The following PID1 variants were observed in gnomAD, a reference collection of about 807,000 sequenced individuals.
PID1 encodes the protein phosphotyrosine interaction domain containing 1.
PID1 carries 10 observed loss-of-function variants against 19.1 expected under a neutral mutation model. The ratio of observed to expected loss-of-function variants is 0.52; its 90% confidence interval spans 0.32 to 0.89. The LOEUF (loss-of-function observed/expected upper bound fraction) is 0.89, where lower values mean the gene tolerates loss of function less well. PID1 is among the 40% of genes least tolerant of loss of function. The pLI, the probability that PID1 is intolerant of heterozygous loss-of-function variation, is 0.03. For synonymous variants in PID1, 130 were observed against 116.0 expected (o/e 1.12, Z -0.78); for missense variants, 248 against 285.3 (o/e 0.87, Z 0.94).
intron 1 of PID1, among the ~76,000 whole-genome samples, chr2:229,201,675 A>C (rs1574716974): frequency 6.6e-6 from 1 of 151,992 alleles, no homozygotes; most frequent in African/African-American, 2.4e-5. Flanking sequence ...TGGTAACCCT[A>C]TTTTTAGTTT....
At chr2:229,198,055 C>T (rs1000472400) in intron 1 of PID1, among the ~76,000 whole-genome samples, 3 of 151,986 alleles carry the variant, frequency 2.0e-5, no homozygotes, top group African/African-American at 7.2e-5. Context: ...CCGCTGATAG[C>T]TTTCAGGCTT....
At chr2:229,098,945 G>A (rs934949914) in intron 2 of PID1, among the ~76,000 whole-genome samples, 3 of 152,034 alleles carry the variant, frequency 2.0e-5, no homozygotes, top group South Asian at 2.1e-4. Flanking sequence ...TCTCTACCAC[G>A]CTTCTCTAAT....
chr2:229,069,982 G>A (rs916007384), intron 2 of PID1, among the ~76,000 whole-genome samples: 6 of 152,180 alleles, frequency 3.9e-5, no homozygotes, highest in African/African-American at 1.4e-4. Context: ...CTGAACATCT[G>A]CATAGTATTT....
intron 2 of PID1, among the ~76,000 whole-genome samples, chr2:229,039,045 T>C (rs567890708): frequency 4.6e-4 from 70 of 152,322 alleles, no homozygotes; most frequent in African/African-American, 1.7e-3. Flanking sequence ...TCTACTTAAG[T>C]AACGCCACTG....
intron 1 of PID1, among the ~76,000 whole-genome samples, chr2:229,234,994 T>C (rs1692293328): frequency 6.6e-6 from 1 of 152,204 alleles, no homozygotes; most frequent in Non-Finnish European, 1.5e-5. Flanking sequence ...TTATTTTGAG[T>C]ACTGAAATAA....
intron 2 of PID1, among the ~76,000 whole-genome samples, chr2:229,120,786 T>A (rs1695501158): frequency 1.3e-5 from 2 of 152,008 alleles, no homozygotes; most frequent in Non-Finnish European, 2.9e-5. Flanking sequence ...TGGGGGTAGA[T>A]CCCTCAGGAT....
intron 2 of PID1, 87 bp from the exon 3 acceptor site, chr2:229,026,195 T>A (rs1340650143): frequency 7.0e-6 from 6 of 858,842 alleles, no homozygotes; most frequent in Non-Finnish European, 9.4e-6. Context: ...TTCCACACAG[T>A]CATGGTGTCA....
intron 1 of PID1, among the ~76,000 whole-genome samples, chr2:229,194,142 T>C (rs1034788081): frequency 1.1e-4 from 17 of 152,132 alleles, no homozygotes; most frequent in African/African-American, 9.7e-5. Flanking sequence ...TCCAAGGATA[T>C]ATTGAACCTT....
chr2:229,061,268 A>T (rs1172681639), intron 2 of PID1, among the ~76,000 whole-genome samples: 2 of 151,996 alleles, frequency 1.3e-5, no homozygotes, highest in African/African-American at 2.4e-5. Context: ...ATCCAAATTG[A>T]ATTGATTTTT....
At chr2:229,181,383 GA>G (rs796498505) in intron 1 of PID1, among the ~76,000 whole-genome samples, 2,864 of 142,474 alleles carry the variant, frequency 0.02, 72 homozygotes, top group African/African-American at 0.065. Flanking sequence ...GTTGATGCTG[GA>G]AAAAAAAAAA....
At chr2:229,138,543 G>A (rs1467495087) in intron 2 of PID1, among the ~76,000 whole-genome samples, 1 of 152,028 alleles carries the variant, frequency 6.6e-6, no homozygotes, top group Non-Finnish European at 1.5e-5. Flanking sequence ...GTGGTCTCAT[G>A]GTGTATAATG....
intron 2 of PID1, among the ~76,000 whole-genome samples, chr2:229,066,031 A>C (rs1479641957): frequency 3.9e-5 from 6 of 152,220 alleles, no homozygotes; most frequent in African/African-American, 1.4e-4. Context: ...TTCTACTTCT[A>C]ACACAATTGC....
intron 1 of PID1, among the ~76,000 whole-genome samples, chr2:229,265,004 C>A (rs1287831341): frequency 6.6e-6 from 1 of 152,188 alleles, no homozygotes; most frequent in Non-Finnish European, 1.5e-5. Flanking sequence ...CGCTACATAC[C>A]AAAATCTCTG....
rs149391024 is a variant in PID1, at chr2:229,064,820, A to AGAAAT, written c.178-38717_178-38713dup. The stretch of plus-strand genomic sequence containing the variant: ...CCCTGGAGTAAAAGCATAATTAAGG[A>AGAAAT]GAAATGAAACCTACTTGTCTCGGAT... On this transcript the variant is annotated intron_variant, in intron 2 of 2. Coordinates refer to ENST00000392055, the MANE Select transcript of PID1 (RefSeq NM_001100818.2). Among the ~76,000 whole-genome samples the AGAAAT allele has an allele frequency of 9.9e-3, 1,514 of 152,264 alleles. 27 individuals are homozygous for AGAAAT. Among genetic ancestry groups the AGAAAT allele is most frequent in the African/African-American group, 0.034 (1,407 of 41,536 alleles).
intron 1 of PID1, among the ~76,000 whole-genome samples, chr2:229,163,681 G>GTGTGTGTGCGCGCA (rs1204696892): frequency 1.7e-5 from 1 of 57,848 alleles, no homozygotes; most frequent in East Asian, 1.9e-3. Flanking sequence ...GTGTGCGTGT[G>GTGTGTGTGCGCGCA]CGTGTGTGTG....
At chr2:229,186,691 G>A (rs545849878) in intron 1 of PID1, among the ~76,000 whole-genome samples, 2 of 152,304 alleles carry the variant, frequency 1.3e-5, no homozygotes, top group South Asian at 4.1e-4. Context: ...GATGGAAGGG[G>A]CTGAGATGAA....
chr2:229,085,215 T>C (rs1420831951), intron 2 of PID1, among the ~76,000 whole-genome samples: 2 of 147,650 alleles, frequency 1.4e-5, no homozygotes, highest in African/African-American at 2.5e-5. Flanking sequence ...TCATACTACA[T>C]ATACTTGTAA....
chr2:229,165,319 G>C (rs1300230093), intron 1 of PID1, among the ~76,000 whole-genome samples: 3 of 152,092 alleles, frequency 2.0e-5, no homozygotes, highest in African/African-American at 2.4e-5. Context: ...ACCAGACAAG[G>C]CCGGGCATGG....
At chr2:229,179,958 C>T (rs1690904800) in intron 1 of PID1, among the ~76,000 whole-genome samples, 1 of 152,174 alleles carries the variant, frequency 6.6e-6, no homozygotes, top group Non-Finnish European at 1.5e-5. Flanking sequence ...CCTCATTGGA[C>T]ATATCCCCCA....
Sources: gnomAD v4.1 joint callset for allele counts (sites outside exome capture counted in the v4.1 genomes callset) on GRCh38, gnomAD v4.1.1 for gene constraint, MANE v1.5 for transcripts, NCBI Gene and HGNC (gene_info 2026-07-23, HGNC 2026-07-21) for gene names.